Variants in PACSIN2 observed in about 807,000 individuals in gnomAD.
PACSIN2 encodes protein kinase C and casein kinase substrate in neurons 2, also known as protein kinase C and casein kinase substrate in neurons protein 2.
Under a neutral mutation model 63.8 loss-of-function variants are expected in PACSIN2, and 25 were observed. That is an observed-to-expected ratio of 0.39 (90% CI 0.29 to 0.55). The LOEUF (loss-of-function observed/expected upper bound fraction) is 0.55. Among genes scored for constraint, PACSIN2 ranks in the 20% least tolerant of loss-of-function variants. The pLI, the probability that PACSIN2 is intolerant of heterozygous loss-of-function variation, is 0.62. For synonymous variants in PACSIN2, 255 were observed against 256.2 expected (o/e 1.00, Z 0.05); for missense variants, 518 against 646.9 (o/e 0.80, Z 2.16).
chr22:42,981,435 T>G (rs1601600642), intron 1 of PACSIN2, among the ~76,000 whole-genome samples: 1 of 95,064 alleles, frequency 1.1e-5, no homozygotes, highest in African/African-American at 4.8e-5. Flanking sequence ...TACTGGGAAG[T>G]GAGGAGCCCC....
Position 42,930,408 on chromosome 22 carries a change from C to A in PACSIN2, c.-77-18251G>T, listed in dbSNP as rs78536209. Among the ~76,000 whole-genome samples, 1,498 of 152,304 alleles carry A rather than the reference C, an allele frequency of 9.8e-3. 27 individuals carry two copies. The highest frequency in any genetic ancestry group is 0.034 in the African/African-American group (1,430 of 41,556). The stretch of plus-strand genomic sequence containing the variant: ...CTTTGTCTCAGCTCTCAGACCTTCT[C>A]TGGACCCTCCTGTCCTCGTGTCTCA... On this transcript the variant is annotated intron_variant, in intron 1 of 10. Coordinates refer to ENST00000263246, the MANE Select transcript of PACSIN2 (RefSeq NM_001184970.3).
At chr22:42,968,107 G>C (rs1920993228) in intron 1 of PACSIN2, among the ~76,000 whole-genome samples, 1 of 152,284 alleles carries the variant, frequency 6.6e-6, no homozygotes, top group South Asian at 2.1e-4. Flanking sequence ...CACAGCAATG[G>C]TAGCGCGGGA....
chr22:43,006,077 G>C (rs899949783), intron 1 of PACSIN2, among the ~76,000 whole-genome samples: 2 of 152,074 alleles, frequency 1.3e-5, no homozygotes, highest in African/African-American at 4.8e-5. Flanking sequence ...ACAGGCATAA[G>C]CCACTGCACT....
At chr22:42,947,002 A>C (rs775614900) in intron 1 of PACSIN2, 3 of 152,136 alleles carry the variant, frequency 2.0e-5, no homozygotes, top group Admixed American at 2.0e-4. Flanking sequence ...CTTCCCGACG[A>C]CGCCTCCTCT....
At chr22:42,876,414 C>A (rs1383641121) in intron 9 of PACSIN2, 81 bp from the exon 10 acceptor site, 2 of 1,268,028 alleles carry the variant, frequency 1.6e-6, no homozygotes. Context: ...GGGGAGGGCA[C>A]TGGAGCCTTG....
intron 2 of PACSIN2, among the ~76,000 whole-genome samples, chr22:42,904,557 A>G (rs1014812833): frequency 1.3e-5 from 2 of 152,284 alleles, no homozygotes; most frequent in Middle Eastern, 3.4e-3. Flanking sequence ...CCTGACTGAC[A>G]GGGAGTGTGA....
At chr22:42,979,214 A>G (rs976459817) in intron 1 of PACSIN2, among the ~76,000 whole-genome samples, 1 of 152,178 alleles carries the variant, frequency 6.6e-6, no homozygotes, top group Non-Finnish European at 1.5e-5. Context: ...GTTTTTATTT[A>G]TAGATTTACA....
intron 1 of PACSIN2, among the ~76,000 whole-genome samples, chr22:42,944,454 T>G (rs1933317176): frequency 6.6e-6 from 1 of 152,092 alleles, no homozygotes; most frequent in Non-Finnish European, 1.5e-5. Flanking sequence ...AAAACAGAAA[T>G]GTACTCTAAC....
intron 8 of PACSIN2, 119 bp from the exon 9 acceptor site, chr22:42,877,129 C>T: frequency 9.2e-7 from 1 of 1,085,948 alleles, no homozygotes. Flanking sequence ...CCGGAGGGGA[C>T]CGTGGTGTTT....
At chr22:43,000,416 A>G (rs1923691743) in intron 1 of PACSIN2, among the ~76,000 whole-genome samples, 1 of 152,172 alleles carries the variant, frequency 6.6e-6, no homozygotes, top group East Asian at 1.9e-4. Context: ...ACCTCCACCA[A>G]TCACACTGCT....
At chr22:42,990,168 C>A (rs1453298820) in intron 1 of PACSIN2, among the ~76,000 whole-genome samples, 5 of 151,654 alleles carry the variant, frequency 3.3e-5, no homozygotes, top group Admixed American at 2.6e-4. Context: ...GATTTTTAAA[C>A]ACAGCTAATT....
At chr22:42,883,885 T>G (rs927919081) in intron 6 of PACSIN2, among the ~76,000 whole-genome samples, 1 of 151,904 alleles carries the variant, frequency 6.6e-6, no homozygotes, top group Non-Finnish European at 1.5e-5. Flanking sequence ...ATGCCTGTAA[T>G]CCCAGCTACT....
intron 1 of PACSIN2, among the ~76,000 whole-genome samples, chr22:42,918,000 T>C (rs1931925598): frequency 6.6e-6 from 1 of 152,188 alleles, no homozygotes; most frequent in Admixed American, 6.5e-5. Context: ...TGTATTTAAA[T>C]ATAATGTTTA....
intron 1 of PACSIN2, among the ~76,000 whole-genome samples, chr22:42,965,199 T>C (rs1017520791): frequency 5.9e-5 from 9 of 152,210 alleles, no homozygotes; most frequent in Non-Finnish European, 1.3e-4. Context: ...ACTGTGTGTG[T>C]CTATGTGGAT....
intron 1 of PACSIN2, among the ~76,000 whole-genome samples, chr22:42,974,141 C>G (rs947591106): frequency 5.3e-5 from 8 of 152,240 alleles, no homozygotes; most frequent in Non-Finnish European, 1.2e-4. Context: ...GTCCTGAAAT[C>G]TATGTAAGTC....
Position 42,939,728 on chromosome 22 carries a change from C to T in PACSIN2, c.-77-27571G>A, listed in dbSNP as rs1242117054. Among the ~76,000 whole-genome samples, 9 of 152,334 alleles carry T rather than the reference C, an allele frequency of 5.9e-5. No homozygotes were observed. In the East Asian group the frequency reaches 1.7e-3, roughly 29 times the overall value. On this transcript the variant is annotated intron_variant, in intron 1 of 10. Coordinates refer to ENST00000263246, the MANE Select transcript of PACSIN2 (RefSeq NM_001184970.3). ...TACAGTCTGCCTAACTCTATGCAGT[C>T]ACTTCCTGCCAGCCTGTTTCCTTAC...
At chr22:42,889,373 T>TTTACACACACACACACACACACACAC (rs1555909669) in intron 4 of PACSIN2, among the ~76,000 whole-genome samples, 5 of 122,546 alleles carry the variant, frequency 4.1e-5, no homozygotes, top group Admixed American at 3.4e-4. Context: ...TAATGGTTTT[T>TTTACACACACACACACACACACACAC]ACACACACAC....
intron 1 of PACSIN2, among the ~76,000 whole-genome samples, chr22:42,929,396 C>A (rs912100838): frequency 1.3e-5 from 2 of 152,232 alleles, no homozygotes; most frequent in Non-Finnish European, 2.9e-5. Context: ...AGTGCTCTGA[C>A]TCTGGGTCCC....
At chr22:43,007,858 C>T (rs1189721513) in intron 1 of PACSIN2, among the ~76,000 whole-genome samples, 1 of 152,234 alleles carries the variant, frequency 6.6e-6, no homozygotes, top group Non-Finnish European at 1.5e-5. Flanking sequence ...CTACCTCTGA[C>T]TCACCCTGCC....
Sources: gnomAD v4.1 joint callset for allele counts (sites outside exome capture counted in the v4.1 genomes callset) on GRCh38, gnomAD v4.1.1 for gene constraint, MANE v1.5 for transcripts, NCBI Gene and HGNC (gene_info 2026-07-23, HGNC 2026-07-21) for gene names.